CSMD1: variants seen among roughly 807,000 people sequenced by gnomAD.
The protein encoded by CSMD1 is CUB and Sushi multiple domains 1.
In CSMD1, 213 loss-of-function variants were observed where a neutral mutation model predicts 417.5. The observed-to-expected ratio is 0.51, with a 90% CI of 0.46 to 0.57. The LOEUF (loss-of-function observed/expected upper bound fraction) is 0.57, where lower values mean the gene tolerates loss of function less well. Ranked by LOEUF, CSMD1 falls within the 20% of genes least tolerant of loss-of-function variation. The probability of loss-of-function intolerance (pLI) is 0.00; values close to 1 mark genes in which losing one functional copy is unlikely to be tolerated. For synonymous variants in CSMD1, 2,862 were observed against 1,736.8 expected (o/e 1.65, Z -16.11); for missense variants, 6,923 against 4,529.7 (o/e 1.53, Z -15.17).
At chr8:4,094,997 C>G (rs1800926036) in intron 3 of CSMD1, among the ~76,000 whole-genome samples, 1 of 152,108 alleles carries the variant, frequency 6.6e-6, no homozygotes, top group Admixed American at 6.5e-5. Context: ...TACAGGTGGA[C>G]TAGAAATGGA....
chr8:3,712,853 G>A (rs1801605606), intron 6 of CSMD1, among the ~76,000 whole-genome samples: 1 of 152,122 alleles, frequency 6.6e-6, no homozygotes, highest in Non-Finnish European at 1.5e-5. Flanking sequence ...CAGGGCTGGG[G>A]GACCTGGGGA....
chr8:4,348,549 G>C (rs1020400541), intron 3 of CSMD1, among the ~76,000 whole-genome samples: 9 of 149,632 alleles, frequency 6.0e-5, no homozygotes, highest in African/African-American at 1.5e-4. Flanking sequence ...AAATAAAAGT[G>C]TGTGTGTGCA....
intron 3 of CSMD1, among the ~76,000 whole-genome samples, chr8:4,390,270 T>A (rs1803751930): frequency 6.6e-6 from 1 of 152,128 alleles, no homozygotes; most frequent in Non-Finnish European, 1.5e-5. Context: ...ACTACTTTTT[T>A]AAAACTGTCA....
intron 23 of CSMD1, among the ~76,000 whole-genome samples, chr8:3,320,648 G>A (rs1359755734): frequency 6.6e-6 from 1 of 152,164 alleles, no homozygotes; most frequent in Non-Finnish European, 1.5e-5. Context: ...GACCACCGCT[G>A]CATTGGGACG....
rs184330675 is a variant in CSMD1 at position 3,840,927 on chromosome 8, G to A, written c.819-86885C>T. Among the ~76,000 whole-genome samples the A allele has an allele frequency of 2.5e-3, 379 of 151,866 alleles. 1 individual carries two copies. The highest frequency in any genetic ancestry group is 8.6e-3 in the South Asian group (41 of 4,794). On this transcript the variant is annotated intron_variant, in intron 5 of 69. Coordinates refer to ENST00000635120, the MANE Select transcript of CSMD1 (RefSeq NM_033225.6). ...TCACCATATCGGTCAGGCTGGTCTC[G>A]AACTCCTGAACTCAGGTGATCCTCC...
At chr8:4,959,150 T>C (rs754620864) in intron 1 of CSMD1, among the ~76,000 whole-genome samples, 19 of 152,208 alleles carry the variant, frequency 1.2e-4, no homozygotes, top group Non-Finnish European at 2.5e-4. Flanking sequence ...TGGAAAGAAA[T>C]TGCACATATC....
At chr8:3,936,642 C>T (rs77536844) in intron 5 of CSMD1, among the ~76,000 whole-genome samples, 9,459 of 152,188 alleles carry the variant, frequency 0.062, 351 homozygotes, top group South Asian at 0.11. Context: ...GAAAAAGATT[C>T]CTTTCTAAAT....
intron 10 of CSMD1, among the ~76,000 whole-genome samples, chr8:3,544,742 G>C (rs1317144516): frequency 6.6e-6 from 1 of 152,090 alleles, no homozygotes; most frequent in Non-Finnish European, 1.5e-5. Flanking sequence ...AGGATGCTGG[G>C]TGGAGACAGG....
At chr8:3,953,579 G>A (rs376068896) in intron 5 of CSMD1, among the ~76,000 whole-genome samples, 11 of 152,122 alleles carry the variant, frequency 7.2e-5, no homozygotes, top group Admixed American at 3.3e-4. Flanking sequence ...GATAATTGGA[G>A]CTATTAAAGT....
At chr8:3,425,732 C>G (rs1255375154) in intron 12 of CSMD1, among the ~76,000 whole-genome samples, 1 of 152,054 alleles carries the variant, frequency 6.6e-6, no homozygotes, top group Admixed American at 6.6e-5. Context: ...GAAAATCTGG[C>G]TAGGTTCGGA....
intron 5 of CSMD1, among the ~76,000 whole-genome samples, chr8:3,938,103 G>A (rs939635406): frequency 6.6e-6 from 1 of 152,114 alleles, no homozygotes; most frequent in African/African-American, 2.4e-5. Flanking sequence ...AATTTTGAAA[G>A]TGTGAAGCAT....
chr8:4,667,223 T>C (rs1000487461), intron 1 of CSMD1, among the ~76,000 whole-genome samples: 2 of 152,216 alleles, frequency 1.3e-5, no homozygotes, highest in African/African-American at 4.8e-5. Flanking sequence ...CTATCTATCA[T>C]GTTTTCCAAT....
At chr8:3,525,392 C>G (rs1414921528) in intron 10 of CSMD1, among the ~76,000 whole-genome samples, 1 of 152,230 alleles carries the variant, frequency 6.6e-6, no homozygotes, top group Non-Finnish European at 1.5e-5. Flanking sequence ...GATTTAATTT[C>G]AAGGTAATCA....
At chr8:3,609,152 C>A (rs1297788676) in intron 8 of CSMD1, among the ~76,000 whole-genome samples, 1 of 152,148 alleles carries the variant, frequency 6.6e-6, no homozygotes, top group Non-Finnish European at 1.5e-5. Flanking sequence ...GTTAGGTTAG[C>A]GTTCTGAATT....
At chr8:3,083,011 G>C (rs1474780234) in intron 49 of CSMD1, among the ~76,000 whole-genome samples, 3 of 152,116 alleles carry the variant, frequency 2.0e-5, no homozygotes, top group Non-Finnish European at 2.9e-5. Flanking sequence ...TGGGGTTTTT[G>C]AAAATTGTTT....
chr8:3,899,638 G>A (rs1807598048), intron 5 of CSMD1, among the ~76,000 whole-genome samples: 1 of 152,176 alleles, frequency 6.6e-6, no homozygotes, highest in Non-Finnish European at 1.5e-5. Context: ...AAAAGGTTTT[G>A]GAGGCTGAGA....
chr8:3,998,780 C>G (rs1385648908), intron 4 of CSMD1, among the ~76,000 whole-genome samples: 1 of 151,586 alleles, frequency 6.6e-6, no homozygotes, highest in Non-Finnish European at 1.5e-5. Context: ...GGAAACAGAT[C>G]TTGGTAAGTT....
chr8:4,363,993 T>G (rs1307935049), intron 3 of CSMD1, among the ~76,000 whole-genome samples: 1 of 152,130 alleles, frequency 6.6e-6, no homozygotes, highest in Non-Finnish European at 1.5e-5. Context: ...CATAACAGGT[T>G]GACTGACTGT....
chr8:4,004,415 T>C (rs1485040841), intron 4 of CSMD1, among the ~76,000 whole-genome samples: 2 of 145,570 alleles, frequency 1.4e-5, no homozygotes, highest in African/African-American at 5.2e-5. Flanking sequence ...AATTCTGCCA[T>C]GAATCTTTTT....
Sources: allele counts gnomAD v4.1 joint callset (sites outside exome capture counted in the v4.1 genomes callset), GRCh38; gene constraint gnomAD v4.1.1; transcripts MANE v1.5; gene names NCBI Gene and HGNC (gene_info 2026-07-23, HGNC 2026-07-21).